COL8A1: variants seen among roughly 807,000 people sequenced by gnomAD.
COL8A1 encodes the protein collagen alpha-1(VIII) chain.
COL8A1 carries 21 observed loss-of-function variants against 42.7 expected under a neutral mutation model. The ratio of observed to expected loss-of-function variants is 0.49; its 90% CI spans 0.35 to 0.71. The LOEUF (loss-of-function observed/expected upper bound fraction) is 0.71. COL8A1 is among the 30% of genes least tolerant of loss of function. The pLI, the probability that COL8A1 is intolerant of heterozygous loss-of-function variation, is 0.01. For missense variants in COL8A1, 788 were observed against 962.4 expected (o/e 0.82, Z 2.40); for synonymous variants, 367 against 369.1 (o/e 0.99, Z 0.06).
intron 1 of COL8A1, among the ~76,000 whole-genome samples, chr3:99,654,859 A>T (rs761973514): frequency 8.5e-5 from 13 of 152,170 alleles, no homozygotes; most frequent in Non-Finnish European, 1.6e-4. Flanking sequence ...GTTCATAAAA[A>T]CAAAGGAAGA....
At chr3:99,648,615 C>A (rs542913845) in intron 1 of COL8A1, among the ~76,000 whole-genome samples, 1 of 152,170 alleles carries the variant, frequency 6.6e-6, no homozygotes, top group South Asian at 2.1e-4. Flanking sequence ...AAAAGTTAGT[C>A]CATAAACTCT....
At position 99,644,232 on chromosome 3, in the gene COL8A1, C is replaced by G. The variant is rs529753970; in HGVS notation, c.-129+5568C>G. ...AACACTAATTGAAGCCTGGATGACA[C>G]AGGTGTGAAAGCTTTATAAGTACCA... On this transcript the variant is annotated intron_variant, in intron 1 of 3. Coordinates refer to ENST00000652472, the MANE Select transcript of COL8A1 (RefSeq NM_020351.4). 4.6e-5 allele frequency among the ~76,000 whole-genome samples: 7 copies of G among 152,256 alleles called. No homozygotes were observed. In the East Asian group the frequency reaches 1.4e-3, roughly 29 times the overall value.
chr3:99,771,344 G>A (rs771971159), intron 2 of COL8A1, among the ~76,000 whole-genome samples: 1 of 152,126 alleles, frequency 6.6e-6, no homozygotes, highest in Non-Finnish European at 1.5e-5. Context: ...AAAGACTGAT[G>A]ACCATTTTTG....
At position 99,795,524 on chromosome 3, in the gene COL8A1, T is replaced by C. The variant is rs771900405; in HGVS notation, c.1623T>C (p.His541=). 8.8e-6 allele frequency: 14 copies of C among 1,597,148 alleles called. No homozygotes were observed. The East Asian group carries it at 1.8e-4, about 21-fold the overall frequency. The change falls in exon 4 of 4, where the codon CAT becomes CAC. Residue 541 remains histidine, a synonymous_variant. Transcript: ENST00000652472. ...GIGKPGVAGL[H]GPPGKPGALG... is the part of the protein sequence containing the mutation. ...GGAAACCCGGAGTGGCAGGACTTCA[T>C]GGCCCCCCAGGGAAGCCTGGTGCCC...
At position 99,713,577 on chromosome 3, in the gene COL8A1, G is replaced by A. The variant is rs147957377; in HGVS notation, c.-128-31320G>A. Among the ~76,000 whole-genome samples, 542 of 152,150 alleles carry A rather than the reference G, an allele frequency of 3.6e-3. 5 individuals are homozygous for A. The highest frequency in any genetic ancestry group is 0.012 in the African/African-American group (509 of 41,524). Reference sequence around the variant, plus strand: ...TACTTGAAACCTGCATCAGTAAGACGTTCAGTGCCTTCCCTCTAAAGCATT... The same window carrying A: ...TACTTGAAACCTGCATCAGTAAGACATTCAGTGCCTTCCCTCTAAAGCATT... On this transcript the variant is annotated intron_variant, in intron 1 of 3. Coordinates refer to ENST00000652472, the MANE Select transcript of COL8A1 (RefSeq NM_020351.4).
At chr3:99,788,726 T>A (rs546508051) in intron 2 of COL8A1, among the ~76,000 whole-genome samples, 44 of 152,314 alleles carry the variant, frequency 2.9e-4, no homozygotes, top group Middle Eastern at 3.4e-3. Flanking sequence ...TAAGTACTGA[T>A]CTTTGAGTGA....
At chr3:99,765,908 A>G (rs1941455891) in intron 2 of COL8A1, among the ~76,000 whole-genome samples, 1 of 152,252 alleles carries the variant, frequency 6.6e-6, no homozygotes, top group Non-Finnish European at 1.5e-5. Flanking sequence ...TCAATGCAAC[A>G]TAAAGTGGCT....
At chr3:99,732,148 T>G (rs532598795) in intron 1 of COL8A1, among the ~76,000 whole-genome samples, 94 of 152,274 alleles carry the variant, frequency 6.2e-4, no homozygotes, top group African/African-American at 2.2e-3. Context: ...AACTAATAAA[T>G]AAATAAAACG....
intron 2 of COL8A1, among the ~76,000 whole-genome samples, chr3:99,767,955 T>C (rs1941496668): frequency 1.3e-5 from 2 of 152,150 alleles, no homozygotes; most frequent in Admixed American, 1.3e-4. Flanking sequence ...TTGAAGGTGA[T>C]ATAAGGAGAT....
At chr3:99,749,163 G>GA (rs911279006) in intron 2 of COL8A1, among the ~76,000 whole-genome samples, 1 of 151,934 alleles carries the variant, frequency 6.6e-6, no homozygotes, top group African/African-American at 2.4e-5. Flanking sequence ...TTATTTAGAA[G>GA]AAAAAATATG....
At chr3:99,677,826 C>G (rs1192264634) in intron 1 of COL8A1, 1 of 152,184 alleles carries the variant, frequency 6.6e-6, no homozygotes, top group Non-Finnish European at 1.5e-5. Flanking sequence ...AGAGCTAGGA[C>G]TTGGCCATTT....
chr3:99,704,449 A>T (rs764603567), intron 1 of COL8A1, among the ~76,000 whole-genome samples: 1 of 151,864 alleles, frequency 6.6e-6, no homozygotes, highest in South Asian at 2.1e-4. Flanking sequence ...TTTAGGGTAC[A>T]TGTGCACAAC....
At chr3:99,678,409 C>A (rs911427895) in intron 1 of COL8A1, 1 of 151,994 alleles carries the variant, frequency 6.6e-6, no homozygotes, top group African/African-American at 2.4e-5. Flanking sequence ...CCAGAGAAGA[C>A]TTTTAGAAGG....
intron 1 of COL8A1, among the ~76,000 whole-genome samples, chr3:99,700,013 C>T (rs1308029277): frequency 6.6e-6 from 1 of 152,124 alleles, no homozygotes; most frequent in Non-Finnish European, 1.5e-5. Context: ...TGCTAATGTG[C>T]GCATGAGTCA....
intron 2 of COL8A1, among the ~76,000 whole-genome samples, chr3:99,789,894 G>C (rs1941967470): frequency 6.6e-6 from 1 of 152,152 alleles, no homozygotes; most frequent in Non-Finnish European, 1.5e-5. Flanking sequence ...GCATAATTAT[G>C]ATAGTGATTT....
At chr3:99,777,576 G>C (rs1416467086) in intron 2 of COL8A1, among the ~76,000 whole-genome samples, 1 of 152,174 alleles carries the variant, frequency 6.6e-6, no homozygotes, top group Non-Finnish European at 1.5e-5. Context: ...AGCTCACACA[G>C]ACTGAGCTGG....
intron 2 of COL8A1, among the ~76,000 whole-genome samples, chr3:99,774,461 G>C (rs555828497): frequency 6.6e-6 from 1 of 151,986 alleles, no homozygotes; most frequent in African/African-American, 2.4e-5. Flanking sequence ...GTCTTGTTCA[G>C]ACTGATATTA....
In COL8A1 at chr3:99,794,610, C is replaced by A. The variant is rs755896312; in HGVS notation, c.709C>A (p.Arg237=). ...AGGACTACCAGGACCTCAAGGCCTTCGGGGTCCTAAAGGAGACAAGGGCTT... is the reference window on the plus strand; with the variant it reads ...AGGACTACCAGGACCTCAAGGCCTTAGGGGTCCTAAAGGAGACAAGGGCTT... ...PKGLPGPQGL[R]GPKGDKGFGM... The change falls in exon 4 of 4, where the codon CGG becomes AGG. Residue 237 remains arginine (R), a synonymous_variant. Transcript: ENST00000652472. The surrounding 1 kb of genome is among the most constrained non-coding windows in gnomAD (Gnocchi z 4.3). 6.2e-7 allele frequency: 1 copy of A among 1,613,456 alleles called. No individual in the cohort carries two copies. Among genetic ancestry groups the A allele is most frequent in the Non-Finnish European group, 8.5e-7 (1 of 1,179,750 alleles).
intron 2 of COL8A1, among the ~76,000 whole-genome samples, chr3:99,763,838 A>G (rs558721611): frequency 6.6e-6 from 1 of 152,224 alleles, no homozygotes; most frequent in South Asian, 2.1e-4. Flanking sequence ...TGACCCCAGT[A>G]GTTGGAGGCC....
Sources: gnomAD v4.1 joint callset for allele counts (sites outside exome capture counted in the v4.1 genomes callset) on GRCh38, gnomAD v4.1.1 for gene constraint, Gnocchi (gnomAD v3.1) non-coding constraint, MANE v1.5 for transcripts, NCBI Gene and HGNC (gene_info 2026-07-23, HGNC 2026-07-21) for gene names.